The following GNPTAB variants were observed in gnomAD, a reference collection of about 807,000 sequenced individuals.
GNPTAB encodes the protein N-acetylglucosamine-1-phosphotransferase subunits alpha/beta.
Under a neutral mutation model 136.6 loss-of-function variants are expected in GNPTAB, and 92 were observed. The ratio of observed to expected loss-of-function variants is 0.67; its 90% CI spans 0.57 to 0.80. The LOEUF is 0.80. Ranked by LOEUF, GNPTAB falls within the 30% of genes least tolerant of loss-of-function variation. The probability of loss-of-function intolerance (pLI) is 0.00; values close to 1 mark genes in which losing one functional copy is unlikely to be tolerated. For synonymous variants in GNPTAB, 512 were observed against 535.1 expected (o/e 0.96, Z 0.60); for missense variants, 1,343 against 1,501.8 (o/e 0.89, Z 1.75).
chr12:101,761,668 A>T lies in GNPTAB; in HGVS notation c.2811T>A (p.Tyr937Ter). The change falls in exon 14 of 21, where the codon TAT (tyrosine) becomes TAA (stop). Residue 937 changes from tyrosine (Y) to a stop codon, truncating the protein, a stop_gained. Coordinates refer to ENST00000299314, the MANE Select transcript of GNPTAB (RefSeq NM_024312.5). LOFTEE classifies it high-confidence loss of function. ...ACTTGCTATTTAGAATTTTATTTACATATCTGAGGGAATCTGCAAATGTAT... is the reference window on the plus strand; with the variant it reads ...ACTTGCTATTTAGAATTTTATTTACTTATCTGAGGGAATCTGCAAATGTAT... ...LKDTFADSLR[Y>*]VNKILNSKFG... 6.2e-7 allele frequency: 1 copy of T among 1,614,018 alleles called. No individual in the cohort carries two copies. Among genetic ancestry groups the T allele is most frequent in the Non-Finnish European group, 8.5e-7 (1 of 1,179,874 alleles).
In GNPTAB at chr12:101,765,937, T is replaced by A. The variant is rs1036372138; in HGVS notation, c.1612+154A>T. On this transcript the variant is annotated intron_variant, in intron 12 of 20. Coordinates refer to ENST00000299314, the MANE Select transcript of GNPTAB (RefSeq NM_024312.5). ...AAAAGATCCTCTTCAGTGATTTATG[T>A]TGTTCTCTTACTTTCATAACTAGTT... is the stretch of plus-strand genomic sequence containing the variant. 2.0e-5 allele frequency: 14 copies of A among 715,026 alleles called. No individual in the cohort carries two copies. The African/African-American group carries it at 2.3e-4, about 12-fold the overall frequency. 44.3% of individuals were successfully genotyped at this position (715,026 alleles called of 1,614,324 possible).
chr12:101,753,738 GT>G (rs1952857599), intron 18 of GNPTAB, among the ~76,000 whole-genome samples, 199 bp from the exon 19 acceptor site: 4 of 152,312 alleles, frequency 2.6e-5, no homozygotes, highest in Admixed American at 2.0e-4. Flanking sequence ...GAGAACTAGG[GT>G]AGATGGCCTT....
At chr12:101,752,922 T>C (rs1566066980) in intron 19 of GNPTAB, among the ~76,000 whole-genome samples, 5 of 152,180 alleles carry the variant, frequency 3.3e-5, no homozygotes, top group Admixed American at 1.3e-4. Context: ...ATTATAACTA[T>C]ACATTTTACA....
At chr12:101,780,523 T>A (rs930352653) in intron 6 of GNPTAB, 34 bp downstream of exon 6, 1 of 1,424,164 alleles carries the variant, frequency 7.0e-7, no homozygotes, top group Non-Finnish European at 9.9e-7. Flanking sequence ...TTCTAGTCTA[T>A]TGTAAAAATG....
intron 3 of GNPTAB, among the ~76,000 whole-genome samples, chr12:101,789,325 T>C (rs1287635913): frequency 1.3e-5 from 2 of 152,154 alleles, no homozygotes; most frequent in Admixed American, 6.5e-5. Context: ...TGAGTTCTCC[T>C]TGGGCACCAA....
In GNPTAB at chr12:101,826,381, T is replaced by C. The variant is rs529414402; in HGVS notation, c.117+4178A>G. 1.2e-4 allele frequency among the ~76,000 whole-genome samples: 18 copies of C among 152,272 alleles called. No individual in the cohort carries two copies. In the South Asian group the frequency reaches 3.7e-3, roughly 32 times the overall value. On this transcript the variant is annotated intron_variant, in intron 1 of 20. Coordinates refer to ENST00000299314, the MANE Select transcript of GNPTAB (RefSeq NM_024312.5). ...CCCCACACACAGATACACATACACA[T>C]ATACACACTGATCTACAACCCTCTA...
chr12:101,758,906 T>C (rs1952945333), intron 16 of GNPTAB, among the ~76,000 whole-genome samples: 1 of 152,234 alleles, frequency 6.6e-6, no homozygotes, highest in Non-Finnish European at 1.5e-5. Flanking sequence ...TGAAAAACTC[T>C]AGTGTACAAA....
intron 7 of GNPTAB, among the ~76,000 whole-genome samples, chr12:101,775,484 C>T (rs1308231340): frequency 6.6e-6 from 1 of 151,730 alleles, no homozygotes; most frequent in Non-Finnish European, 1.5e-5. Flanking sequence ...CTTAGCCTCC[C>T]GAGTAGCTGG....
At chr12:101,777,768 T>A (rs529386982) in intron 7 of GNPTAB, among the ~76,000 whole-genome samples, 1 of 152,308 alleles carries the variant, frequency 6.6e-6, no homozygotes, top group East Asian at 1.9e-4. Flanking sequence ...AAGCAAAGCC[T>A]AAGGAAAGCA....
intron 5 of GNPTAB, among the ~76,000 whole-genome samples, chr12:101,783,042 G>T (rs987098607): frequency 1.3e-5 from 2 of 150,038 alleles, no homozygotes; most frequent in Non-Finnish European, 2.9e-5. Context: ...CCCCTGCTTG[G>T]TTTTTTTCTA....
In GNPTAB at chr12:101,764,859, T is replaced by A. The variant is rs771700410; in HGVS notation, c.2058A>T (p.Thr686=). 2 of 1,614,080 alleles carry A rather than the reference T, an allele frequency of 1.2e-6. No individual in the cohort carries two copies. The highest frequency in any genetic ancestry group is 1.7e-6 in the Non-Finnish European group (2 of 1,180,032). ...TTTTCACCTCTTCCTGGGCTCTCCT[T>A]GTTGAGTTAACATCATGTCTCTTAA... ...PKFKRHDVNS[T]RRAQEEVKIP... is the part of the protein sequence containing the mutation. Residue 686 remains threonine, a synonymous_variant, in exon 13 of 21, where the codon ACA becomes ACT. Coordinates refer to ENST00000299314, the MANE Select transcript of GNPTAB (RefSeq NM_024312.5).
intron 1 of GNPTAB, among the ~76,000 whole-genome samples, chr12:101,825,924 T>C (rs901955794): frequency 6.6e-6 from 1 of 152,224 alleles, no homozygotes; most frequent in Non-Finnish European, 1.5e-5. Context: ...TCACAATTTG[T>C]GCTGCACCTA....
intron 4 of GNPTAB, among the ~76,000 whole-genome samples, chr12:101,787,959 A>G (rs1227115288): frequency 6.6e-6 from 1 of 150,568 alleles, no homozygotes; most frequent in Non-Finnish European, 1.5e-5. Flanking sequence ...AATTCTCAGG[A>G]TCTTCTCTAT....
intron 1 of GNPTAB, among the ~76,000 whole-genome samples, chr12:101,817,661 G>A (rs1870574669): frequency 6.6e-6 from 1 of 151,940 alleles, no homozygotes; most frequent in African/African-American, 2.4e-5. Flanking sequence ...AAAAATTAAA[G>A]TAATTAATTT....
intron 12 of GNPTAB, 97 bp downstream of exon 12, chr12:101,765,994 G>C: frequency 2.0e-6 from 2 of 1,012,522 alleles, no homozygotes; most frequent in South Asian, 2.6e-5. Context: ...GATACACAGA[G>C]AATCATTATT....
In GNPTAB at chr12:101,780,584, G is replaced by C. The variant is rs529994474; in HGVS notation, c.609C>G (p.Ser203Arg). Residue 203 changes from serine (S) to arginine (R), a missense_variant, in exon 6 of 21, where the codon AGC becomes AGG. By Grantham distance (110) the Ser-to-Arg change is moderately radical. Coordinates refer to ENST00000299314, the MANE Select transcript of GNPTAB (RefSeq NM_024312.5). ...AGTAGCCCCTCCATACTGTCTGTCT[G>C]CTATTTCCTTTAAGCAGTCCAGAGT... ...DAHSGLLKGN[S>R]RQTVWRGYLT... 41 of 1,611,406 alleles carry C rather than the reference G, an allele frequency of 2.5e-5. No individual in the cohort carries two copies. In the Middle Eastern group the frequency reaches 1.0e-3, roughly 40 times the overall value.
intron 1 of GNPTAB, among the ~76,000 whole-genome samples, chr12:101,824,404 CCATATATA>C (rs1207616952): frequency 1.8e-5 from 1 of 56,446 alleles, no homozygotes; most frequent in African/African-American, 8.4e-5. Flanking sequence ...AGAAATTTCA[CCATATATA>C]TATATATATA....
At chr12:101,810,591 G>A (rs1004732428) in intron 1 of GNPTAB, 1 of 151,788 alleles carries the variant, frequency 6.6e-6, no homozygotes, top group Non-Finnish European at 1.5e-5. Flanking sequence ...TTACTTCCAG[G>A]TGCCAGGCTT....
intron 5 of GNPTAB, among the ~76,000 whole-genome samples, chr12:101,784,350 T>C (rs1176873720): frequency 6.6e-6 from 1 of 152,084 alleles, no homozygotes; most frequent in Non-Finnish European, 1.5e-5. Flanking sequence ...ACCACATGTG[T>C]GAAGACACTG....
Sources: allele counts gnomAD v4.1 joint callset (sites outside exome capture counted in the v4.1 genomes callset), GRCh38; gene constraint gnomAD v4.1.1; transcripts MANE v1.5; gene names NCBI Gene and HGNC (gene_info 2026-07-23, HGNC 2026-07-21).